PDPR: variants seen among roughly 807,000 people sequenced by gnomAD.
PDPR encodes the protein pyruvate dehydrogenase phosphatase regulatory subunit.
In PDPR, 50 loss-of-function variants were observed where a neutral mutation model predicts 102.2. The ratio of observed to expected loss-of-function variants is 0.49; its 90% CI spans 0.39 to 0.62. The LOEUF (loss-of-function observed/expected upper bound fraction) is 0.62. PDPR is among the 20% of genes least tolerant of loss of function. The probability of loss-of-function intolerance (pLI) is 0.00; values close to 1 mark genes in which losing one functional copy is unlikely to be tolerated. For synonymous variants in PDPR, 259 were observed against 406.0 expected (o/e 0.64, Z 4.35); for missense variants, 625 against 1,098.2 (o/e 0.57, Z 6.09).
chr16:70,120,574 A>G lies in PDPR; in HGVS notation c.82A>G (p.Ser28Gly), dbSNP rs373029249. The G allele has an allele frequency of 2.6e-5, 42 of 1,613,918 alleles. No homozygotes were observed. The highest frequency in any genetic ancestry group is 3.1e-5 in the Non-Finnish European group (36 of 1,179,888). The change falls in exon 3 of 19, where the codon AGC becomes GGC. Residue 28 changes from serine to glycine, a missense_variant. Around this residue, in one of 11 missense-constraint regions of PDPR, gnomAD observed 84 missense variants for 87.7 expected, o/e 0.96. Coordinates refer to ENST00000288050, the MANE Select transcript of PDPR (RefSeq NM_017990.5). ...GCAGAACTGGTCCTCTGCAAGAAAC[A>G]GCACGTCAGCTGCCGAGGCGCGTTC... ...GWQNWSSARN[S>G]TSAAEARSMA...
chr16:70,130,905 C>T (rs1964474713), intron 7 of PDPR, among the ~76,000 whole-genome samples: 1 of 152,280 alleles, frequency 6.6e-6, no homozygotes, highest in African/African-American at 2.4e-5. Context: ...TTCCAGGACA[C>T]TGCTTCTTTT....
chr16:70,122,682 C>T (rs1378393556), intron 3 of PDPR, among the ~76,000 whole-genome samples: 4 of 152,252 alleles, frequency 2.6e-5, no homozygotes, highest in South Asian at 4.1e-4. Flanking sequence ...CTCCACCTAC[C>T]GGGCTTAGCA....
Position 70,156,828 on chromosome 16 carries a change from C to A in PDPR, c.2589C>A (p.Thr863=). Reference sequence around the variant, plus strand: ...TCTACCCTGTCGCCTCCCTCTTCACCCAGAAGCGCCGAAAGGATGACATGG... The same window carrying A: ...TCTACCCTGTCGCCTCCCTCTTCACACAGAAGCGCCGAAAGGATGACATGG... ...AKLYPVASLF[T]QKRRKDDMEL... The change falls in exon 19 of 19, where the codon ACC becomes ACA. Residue 863 remains threonine, a synonymous_variant. Coordinates refer to ENST00000288050, the MANE Select transcript of PDPR (RefSeq NM_017990.5). The A allele has an allele frequency of 6.2e-7, 1 of 1,614,056 alleles. No individual in the cohort carries two copies. Among genetic ancestry groups the A allele is most frequent in the Non-Finnish European group, 8.5e-7 (1 of 1,179,904 alleles).
At chr16:70,117,328 C>T (rs1484856586) in intron 2 of PDPR, among the ~76,000 whole-genome samples, 4 of 136,204 alleles carry the variant, frequency 2.9e-5, no homozygotes, top group African/African-American at 1.1e-4. Context: ...TCCTGGCTAA[C>T]ATGGTGAAAC....
At position 70,156,454 on chromosome 16, in the gene PDPR, GGC is replaced by G. The variant is rs1567565320; in HGVS notation, c.2236-19_2236-18del. ...GGGTCTGAGTGTCGCTGGATGACTC[GGC>G]GTTTCCTTTCTTTCTTAGGGCATGG... On this transcript the variant is annotated intron_variant, in intron 18 of 18. Transcript: ENST00000288050. 6.2e-7 allele frequency: 1 copy of G among 1,610,862 alleles called. No homozygotes were observed. The highest frequency in any genetic ancestry group is 1.3e-5 in the African/African-American group (1 of 74,964).
rs535095634 is a variant in PDPR, at chr16:70,116,620, C to T, written c.-33+1690C>T. Among the ~76,000 whole-genome samples the T allele has an allele frequency of 1.9e-4, 28 of 147,566 alleles. 1 individual carries two copies. The South Asian group carries it at 5.6e-3, about 29-fold the overall frequency. Reference sequence around the variant, plus strand: ...GTGAGAGAGTATTGAATCCAACAAACGGGAACTGGTTAGTGAGGCCCAAGA... The same window carrying T: ...GTGAGAGAGTATTGAATCCAACAAATGGGAACTGGTTAGTGAGGCCCAAGA... On this transcript the variant is annotated intron_variant, in intron 2 of 18. Transcript: ENST00000288050.
At position 70,157,589 on chromosome 16, in the gene PDPR, T is replaced by A. The variant is rs1333257104; in HGVS notation, c.*710T>A. 3 of 184,876 alleles carry A rather than the reference T, an allele frequency of 1.6e-5. No individual in the cohort carries two copies. Among genetic ancestry groups the A allele is most frequent in the African/African-American group, 7.2e-5 (3 of 41,950 alleles). The allele number at this position is 184,876 out of a possible 1,614,324, so 11.5% of individuals were successfully genotyped here. A position where few individuals can be genotyped will look rare whatever the true frequency, so the allele number is the denominator to read the frequency against. ...TAATTTTCTTCATCTCTTGCTAATC[T>A]CTATAATAAGGTTGCTTTTTCTTTC... is the stretch of plus-strand genomic sequence containing the variant. On this transcript the variant is annotated 3_prime_UTR_variant, in exon 19 of 19. Coordinates refer to ENST00000288050, the MANE Select transcript of PDPR (RefSeq NM_017990.5).
At position 70,158,543 on chromosome 16, in the gene PDPR, T is replaced by C. The variant is rs1431314019; in HGVS notation, c.*1664T>C. ...CCCCAACTAGACCACTCCTAGTGAT[T>C]ACTGACTTTAGTGCCTAAACCTTTT... On this transcript the variant is annotated 3_prime_UTR_variant, in exon 19 of 19. Transcript: ENST00000288050. The C allele has an allele frequency of 6.8e-6, 1 of 147,920 alleles. No individual in the cohort carries two copies. The highest frequency in any genetic ancestry group is 1.5e-5 in the Non-Finnish European group (1 of 66,636). 9.2% of individuals were successfully genotyped at this position (147,920 alleles called of 1,614,324 possible). A position where few individuals can be genotyped will look rare whatever the true frequency, so the allele number is the denominator to read the frequency against.
At chr16:70,129,603 C>T (rs571481239) in intron 6 of PDPR, among the ~76,000 whole-genome samples, 72 of 152,332 alleles carry the variant, frequency 4.7e-4, no homozygotes, top group African/African-American at 1.7e-3. Context: ...CCTGCCTCGG[C>T]CTCCCTAAGT....
At chr16:70,123,767 C>T (rs373717487) in intron 3 of PDPR, among the ~76,000 whole-genome samples, 888 of 151,984 alleles carry the variant, frequency 5.8e-3, no homozygotes, top group Non-Finnish European at 9.6e-3. Flanking sequence ...AAAATAATTA[C>T]GCCAGCCAGG....
chr16:70,125,383 C>CA (rs1165277642), intron 3 of PDPR, among the ~76,000 whole-genome samples: 5 of 124,106 alleles, frequency 4.0e-5, no homozygotes, highest in Admixed American at 8.1e-5. Flanking sequence ...TCTAAAAAAA[C>CA]AAACAAACAA....
intron 10 of PDPR, among the ~76,000 whole-genome samples, chr16:70,137,143 G>C (rs1434837131): frequency 2.0e-5 from 3 of 152,208 alleles, no homozygotes; most frequent in Admixed American, 2.0e-4. Flanking sequence ...ACAAGGTCAT[G>C]AGATCGAGAC....
chr16:70,145,471 C>T (rs1377612465), intron 15 of PDPR, among the ~76,000 whole-genome samples: 2 of 152,242 alleles, frequency 1.3e-5, no homozygotes, highest in Admixed American at 1.3e-4. Context: ...TGACTTGGTT[C>T]CCTGATTTTC....
At position 70,152,027 on chromosome 16, in the gene PDPR, T is replaced by G. The variant is rs148290268; in HGVS notation, c.2053-1364T>G. Among the ~76,000 whole-genome samples, 210 of 152,352 alleles carry G rather than the reference T, an allele frequency of 1.4e-3. No homozygotes were observed. The East Asian group carries it at 0.037, about 27-fold the overall frequency. Reference sequence around the variant, plus strand: ...TGGTTACATCGTTCTTCCTTGGTCATCCTCTTACCTAAAGGACCGGGCATT... The same window carrying G: ...TGGTTACATCGTTCTTCCTTGGTCAGCCTCTTACCTAAAGGACCGGGCATT... On this transcript the variant is annotated intron_variant, in intron 17 of 18. Transcript: ENST00000288050.
rs975447621 is a variant in PDPR at position 70,157,145 on chromosome 16, A to G, written c.*266A>G. The G allele has an allele frequency of 3.0e-6, 2 of 661,174 alleles. No individual in the cohort carries two copies. The highest frequency in any genetic ancestry group is 2.1e-5 in the Admixed American group (1 of 47,636). 41.0% of individuals were successfully genotyped at this position (661,174 alleles called of 1,614,324 possible). On this transcript the variant is annotated 3_prime_UTR_variant, in exon 19 of 19. Coordinates refer to ENST00000288050, the MANE Select transcript of PDPR (RefSeq NM_017990.5). ...TCAGCTTCTCGTGGTGGCAGGAGGTATGTCTGACAGGACAGAAGCAAGCTC... is the reference window on the plus strand; with the variant it reads ...TCAGCTTCTCGTGGTGGCAGGAGGTGTGTCTGACAGGACAGAAGCAAGCTC...
chr16:70,125,330 T>G (rs565177279), intron 3 of PDPR, among the ~76,000 whole-genome samples: 1 of 152,174 alleles, frequency 6.6e-6, no homozygotes, highest in Non-Finnish European at 1.5e-5. Flanking sequence ...GAGCCGAGAT[T>G]GTGCCATTGC....
Position 70,120,489 on chromosome 16 carries a change from A to G in PDPR, c.-4A>G. The stretch of plus-strand genomic sequence containing the variant: ...GAGTTCCTGAGATCTAGTTGGTGAG[A>G]GACATGATGTTCTACCGGTTGCTGT... On this transcript the variant is annotated 5_prime_UTR_variant, in exon 3 of 19. Coordinates refer to ENST00000288050, the MANE Select transcript of PDPR (RefSeq NM_017990.5). The G allele has an allele frequency of 6.2e-7, 1 of 1,612,576 alleles. No individual in the cohort carries two copies. Among genetic ancestry groups the G allele is most frequent in the South Asian group, 1.1e-5 (1 of 90,990 alleles).
At chr16:70,155,279 C>T (rs1036504331) in intron 18 of PDPR, among the ~76,000 whole-genome samples, 1 of 152,106 alleles carries the variant, frequency 6.6e-6, no homozygotes, top group African/African-American at 2.4e-5. Context: ...ATGGTAGTAA[C>T]TATTTTTTTT....
At chr16:70,130,989 C>A (rs1011333603) in intron 7 of PDPR, among the ~76,000 whole-genome samples, 1 of 152,270 alleles carries the variant, frequency 6.6e-6, no homozygotes, top group South Asian at 2.1e-4. Context: ...ATGTGAAGTT[C>A]ATTTAGTGAT....
Sources: allele counts gnomAD v4.1 joint callset (sites outside exome capture counted in the v4.1 genomes callset), GRCh38; gene constraint gnomAD v4.1.1; regional missense constraint gnomAD v4.1.1; transcripts MANE v1.5; gene names NCBI Gene and HGNC (gene_info 2026-07-23, HGNC 2026-07-21).